The following CTNNA2 variants were observed in gnomAD, a reference collection of about 807,000 sequenced individuals.
CTNNA2 encodes the protein catenin alpha-2.
In CTNNA2, 42 loss-of-function variants were observed where a neutral mutation model predicts 101.0. That is an observed-to-expected ratio of 0.42 (90% confidence interval 0.32 to 0.54). The LOEUF (loss-of-function observed/expected upper bound fraction) is 0.54, where lower values mean the gene tolerates loss of function less well. CTNNA2 is among the 20% of genes least tolerant of loss of function. The pLI is 0.14. For synonymous variants in CTNNA2, 450 were observed against 456.4 expected (o/e 0.99, Z 0.18); for missense variants, 871 against 1,223.1 (o/e 0.71, Z 4.29).
In CTNNA2 at chr2:79,491,098, T is replaced by C. The variant is rs142685945; in HGVS notation, c.-134-13956T>C. Among the ~76,000 whole-genome samples the C allele has an allele frequency of 2.4e-3, 363 of 152,224 alleles. 2 individuals are homozygous for C. The highest frequency in any genetic ancestry group is 3.7e-3 in the South Asian group (18 of 4,820). ...AAAAAAATTTGAAAATAATCTGGGGTTCACTAGTTGATCTTTCAATAACAT... is the reference window on the plus strand; with the variant it reads ...AAAAAAATTTGAAAATAATCTGGGGCTCACTAGTTGATCTTTCAATAACAT... On this transcript the variant is annotated intron_variant, in intron 4 of 21. Coordinates refer to the CTNNA2 transcript ENST00000466387.
At position 79,793,413 on chromosome 2, in the gene CTNNA2, G is replaced by A. The variant is rs114868611; in HGVS notation, c.298+48831G>A. On this transcript the variant is annotated intron_variant, in intron 3 of 18. Transcript: ENST00000402739. Reference sequence around the variant, plus strand: ...CTGCACCCCAACTGAGGGTACCTGAGCCACAGGAAGCTTTATCTTTTATAT... The same window carrying A: ...CTGCACCCCAACTGAGGGTACCTGAACCACAGGAAGCTTTATCTTTTATAT... Among the ~76,000 whole-genome samples the A allele has an allele frequency of 4.1e-3, 619 of 152,296 alleles. 5 individuals carry two copies. Among genetic ancestry groups the A allele is most frequent in the African/African-American group, 0.014 (584 of 41,550 alleles).
chr2:80,602,289 G>C (rs944953954), intron 15 of CTNNA2, among the ~76,000 whole-genome samples: 26 of 151,780 alleles, frequency 1.7e-4, no homozygotes, highest in African/African-American at 6.0e-4. Context: ...ACAATATGGG[G>C]GCCTGAGCAT....
intron 18 of CTNNA2, among the ~76,000 whole-genome samples, chr2:80,637,470 C>T (rs1313887963): frequency 6.6e-6 from 1 of 151,974 alleles, no homozygotes; most frequent in Non-Finnish European, 1.5e-5. Flanking sequence ...GAATGAATTA[C>T]CAGTGACAGA....
chr2:80,242,953 A>C (rs1264821823), intron 7 of CTNNA2, among the ~76,000 whole-genome samples: 1 of 152,174 alleles, frequency 6.6e-6, no homozygotes, highest in East Asian at 1.9e-4. Context: ...AAGGGCCAGA[A>C]ACAGTTTCTG....
intron 2 of CTNNA2, among the ~76,000 whole-genome samples, chr2:79,678,979 C>T (rs962379527): frequency 3.9e-5 from 6 of 152,126 alleles, no homozygotes; most frequent in Admixed American, 6.5e-5. Context: ...GCTCTCCCTC[C>T]ACTGTTCAGA....
At chr2:80,642,499 G>A (rs1334335555) in intron 18 of CTNNA2, among the ~76,000 whole-genome samples, 2 of 152,160 alleles carry the variant, frequency 1.3e-5, no homozygotes, top group Non-Finnish European at 2.9e-5. Flanking sequence ...GGTGTCTGAA[G>A]AAATACTTGG....
At chr2:80,462,737 C>T (rs761931198) in intron 9 of CTNNA2, among the ~76,000 whole-genome samples, 6 of 142,568 alleles carry the variant, frequency 4.2e-5, no homozygotes, top group Non-Finnish European at 9.0e-5. Context: ...GTCGAAAAGA[C>T]ACTAGGACAT....
rs531266406 is a variant in CTNNA2, at chr2:80,038,853, A to G, written c.1056+129056A>G. Among the ~76,000 whole-genome samples the G allele has an allele frequency of 4.1e-4, 62 of 152,196 alleles. 2 individuals carry two copies. The South Asian group carries it at 0.012, about 30-fold the overall frequency. ...GACACAGTGAGACTCTGTCTCAAAA[A>G]ATAAAATAATAAAATAAAATAAGAT... On this transcript the variant is annotated intron_variant, in intron 7 of 18. Coordinates refer to ENST00000402739, the MANE Select transcript of CTNNA2 (RefSeq NM_001282597.3).
chr2:79,487,064 A>G (rs889974418), intron 4 of CTNNA2, among the ~76,000 whole-genome samples: 1 of 152,180 alleles, frequency 6.6e-6, no homozygotes, highest in African/African-American at 2.4e-5. Context: ...AAAACTACTA[A>G]TGCTTTTTAA....
At chr2:79,401,268 C>A (rs1678287226) in intron 4 of CTNNA2, among the ~76,000 whole-genome samples, 1 of 151,464 alleles carries the variant, frequency 6.6e-6, no homozygotes, top group Admixed American at 6.6e-5. Context: ...AGTATACCCA[C>A]AAATTTGTTT....
intron 1 of CTNNA2, among the ~76,000 whole-genome samples, chr2:79,528,637 G>A (rs923579541): frequency 6.6e-6 from 1 of 152,058 alleles, no homozygotes; most frequent in African/African-American, 2.4e-5. Flanking sequence ...TTGGAATGTA[G>A]AAATTACTCC....
rs1056196561 is a variant in CTNNA2 at position 79,608,411 on chromosome 2, A to G, written c.-5-43141A>G. On this transcript the variant is annotated intron_variant, in intron 1 of 18. Coordinates refer to ENST00000402739, the MANE Select transcript of CTNNA2 (RefSeq NM_001282597.3). ...GGTAGTCATTTTTATCTCATTCTAT[A>G]TGGCCAGCATTACCTGATGCCAAAT... is the stretch of plus-strand genomic sequence containing the variant. Among the ~76,000 whole-genome samples the G allele has an allele frequency of 5.9e-5, 9 of 152,224 alleles. No homozygotes were observed. The South Asian group carries it at 1.7e-3, about 28-fold the overall frequency.
intron 7 of CTNNA2, among the ~76,000 whole-genome samples, chr2:79,970,495 A>G (rs1447605881): frequency 6.6e-6 from 1 of 152,100 alleles, no homozygotes; most frequent in African/African-American, 2.4e-5. Flanking sequence ...CCTCTGCTAT[A>G]CCCTGAATAG....
intron 3 of CTNNA2, among the ~76,000 whole-genome samples, chr2:79,797,266 A>C (rs1256589373): frequency 6.6e-6 from 1 of 152,132 alleles, no homozygotes; most frequent in African/African-American, 2.4e-5. Flanking sequence ...GAAGATATGG[A>C]GATCACCAAA....
intron 7 of CTNNA2, among the ~76,000 whole-genome samples, chr2:80,283,461 T>A (rs77422783): frequency 0.014 from 2,166 of 152,190 alleles, 51 homozygotes; most frequent in African/African-American, 0.049. Flanking sequence ...TAAAAAATAA[T>A]CAAAGGACAA....
intron 6 of CTNNA2, among the ~76,000 whole-genome samples, chr2:79,887,633 A>T (rs547131254): frequency 1.3e-5 from 2 of 152,292 alleles, no homozygotes; most frequent in African/African-American, 4.8e-5. Flanking sequence ...GTTTGTGCTT[A>T]ATTGGGCTCC....
intron 4 of CTNNA2, among the ~76,000 whole-genome samples, chr2:79,446,250 T>C (rs943055912): frequency 1.3e-5 from 2 of 152,066 alleles, no homozygotes; most frequent in Non-Finnish European, 2.9e-5. Context: ...AAGAACTATT[T>C]TGTACGCCAA....
chr2:80,120,259 A>G (rs1701758165), intron 7 of CTNNA2, among the ~76,000 whole-genome samples: 1 of 152,136 alleles, frequency 6.6e-6, no homozygotes, highest in Non-Finnish European at 1.5e-5. Flanking sequence ...TCTGCACATA[A>G]TTTCCAGTGT....
At chr2:79,862,655 G>T (rs143220469) in intron 4 of CTNNA2, among the ~76,000 whole-genome samples, 1 of 151,920 alleles carries the variant, frequency 6.6e-6, no homozygotes, top group East Asian at 1.9e-4. Context: ...TATTTATTAG[G>T]TGCTGACCAT....
Sources: allele counts gnomAD v4.1 joint callset (sites outside exome capture counted in the v4.1 genomes callset), GRCh38; gene constraint gnomAD v4.1.1; transcripts MANE v1.5; gene names NCBI Gene and HGNC (gene_info 2026-07-23, HGNC 2026-07-21).